The following PCMTD1 variants were observed in gnomAD, a reference collection of about 807,000 sequenced individuals.
The protein encoded by PCMTD1 is protein-L-isoaspartate (D-aspartate) O-methyltransferase domain containing 1, also known as protein-L-isoaspartate O-methyltransferase domain-containing protein 1.
PCMTD1 carries 12 observed loss-of-function variants against 37.6 expected under a neutral mutation model. The observed-to-expected ratio is 0.32, with a 90% CI of 0.20 to 0.52. The LOEUF (loss-of-function observed/expected upper bound fraction) is 0.52, where lower values mean the gene tolerates loss of function less well. Ranked by LOEUF, PCMTD1 falls within the 20% of genes least tolerant of loss-of-function variation. The pLI is 0.97. For missense variants in PCMTD1, 235 were observed against 421.3 expected, an observed-to-expected ratio of 0.56 and a Z score of 3.87; for synonymous variants, 117 against 135.8, an observed-to-expected ratio of 0.86 and a Z score of 0.96.
intron 5 of PCMTD1, among the ~76,000 whole-genome samples, chr8:51,830,857 C>A: frequency 6.6e-6 from 1 of 152,184 alleles, no homozygotes; most frequent in East Asian, 1.9e-4. Flanking sequence ...ACAGTAGATG[C>A]CCTTCCCACA....
chr8:51,861,323 CATTATA>C (rs1392621577), intron 1 of PCMTD1, 77 bp from the exon 2 acceptor site: 2 of 1,041,096 alleles, frequency 1.9e-6, no homozygotes, highest in African/African-American at 3.2e-5. Flanking sequence ...AAATGTATGT[CATTATA>C]ATTAACTACC....
Position 51,851,658 on chromosome 8 carries a change from C to CT in PCMTD1, c.308-5896dup, listed in dbSNP as rs11287024. On this transcript the variant is annotated intron_variant, in intron 2 of 5. Transcript: ENST00000522514. ...ACAGCTTCAGATTTTGACTCAAATT[C>CT]TTTTTTTTTTTTTTGAGATGGAGTT... 5.1e-3 allele frequency among the ~76,000 whole-genome samples: 723 copies of CT among 142,550 alleles called. 8 individuals are homozygous for CT. Among genetic ancestry groups the CT allele is most frequent in the Middle Eastern group, 0.018 (5 of 284 alleles). The allele number at this position is 142,550 out of a possible 152,430, so 93.5% of individuals were successfully genotyped here.
intron 3 of PCMTD1, chr8:51,839,730 C>T (rs1222846133): frequency 1.5e-5 from 8 of 546,000 alleles, no homozygotes; most frequent in South Asian, 8.0e-5. Flanking sequence ...CCACAGGATG[C>T]TGTTATTGAA....
rs1413706740 is a variant in PCMTD1, at chr8:51,848,082, TTTTG to T, written c.308-2323_308-2320del. On this transcript the variant is annotated intron_variant, in intron 2 of 5. Coordinates refer to ENST00000522514, the MANE Select transcript of PCMTD1 (RefSeq NM_052937.4). Reference sequence around the variant, plus strand: ...GCTGGGCAACAGAGAGAGACCGTGGTTTTGTTTGTTTTAAAAGAAGAAAGAAAGA... The same window carrying T: ...GCTGGGCAACAGAGAGAGACCGTGGTTTTGTTTTAAAAGAAGAAAGAAAGA... Among the ~76,000 whole-genome samples the T allele has an allele frequency of 5.4e-4, 82 of 151,334 alleles. 1 individual carries two copies. The highest frequency in any genetic ancestry group is 1.9e-3 in the African/African-American group (79 of 40,918).
rs2037788194 is a variant in PCMTD1 at position 51,818,237 on chromosome 8, C to T, written c.*2114G>A. On this transcript the variant is annotated 3_prime_UTR_variant, in exon 6 of 6. Transcript: ENST00000522514. ...AGTGTAAAATGAATGCATTTAAAAA[C>T]ATAAAAGATACATTTCAATGACAAG... 1 of 287,014 alleles carries T rather than the reference C, an allele frequency of 3.5e-6. No homozygotes were observed. The highest frequency in any genetic ancestry group is 6.7e-6 in the Non-Finnish European group (1 of 148,312). 17.8% of individuals were successfully genotyped at this position (287,014 alleles called of 1,614,324 possible). A position where few individuals can be genotyped will look rare whatever the true frequency, so the allele number is the denominator to read the frequency against.
At chr8:51,851,639 T>C (rs1373688761) in intron 2 of PCMTD1, among the ~76,000 whole-genome samples, 1 of 150,222 alleles carries the variant, frequency 6.7e-6, no homozygotes, top group Non-Finnish European at 1.5e-5. Context: ...TTAAACAGCT[T>C]CAGATTTTGA....
intron 1 of PCMTD1, among the ~76,000 whole-genome samples, chr8:51,889,671 A>C (rs2038910353): frequency 6.6e-6 from 1 of 152,246 alleles, no homozygotes; most frequent in South Asian, 2.1e-4. Flanking sequence ...ATGCAAAGTT[A>C]TACGAAAATG....
intron 2 of PCMTD1, among the ~76,000 whole-genome samples, chr8:51,857,403 T>C (rs1450690677): frequency 6.6e-6 from 1 of 152,186 alleles, no homozygotes; most frequent in Non-Finnish European, 1.5e-5. Flanking sequence ...TTATGGTTTA[T>C]ACAAGAAAAT....
rs1344537430 is a variant in PCMTD1 at position 51,818,423 on chromosome 8, A to AAAAAAAC, written c.*1927_*1928insGTTTTTT. 2.6e-5 allele frequency: 4 copies of AAAAAAAC among 153,434 alleles called. No individual in the cohort carries two copies. The highest frequency in any genetic ancestry group is 9.6e-5 in the African/African-American group (4 of 41,504). 9.5% of individuals were successfully genotyped at this position (153,434 alleles called of 1,614,324 possible). ...GCAGCTCCAACCAAAAAAAAAAAAA[A>AAAAAAAC]AAACAAGCAGGGGAGATGGGACAGA... is the stretch of plus-strand genomic sequence containing the variant. On this transcript the variant is annotated 3_prime_UTR_variant, in exon 6 of 6. Transcript: ENST00000522514.
At chr8:51,850,641 T>G (rs1443950291) in intron 2 of PCMTD1, among the ~76,000 whole-genome samples, 1 of 152,118 alleles carries the variant, frequency 6.6e-6, no homozygotes, top group Non-Finnish European at 1.5e-5. Context: ...ACATCAAGAG[T>G]TAACAGCTAC....
At chr8:51,838,381 C>T (rs912530500) in intron 3 of PCMTD1, among the ~76,000 whole-genome samples, 3 of 151,818 alleles carry the variant, frequency 2.0e-5, no homozygotes, top group African/African-American at 7.3e-5. Context: ...CCCAGCTACT[C>T]CAAAGGCCAA....
chr8:51,846,194 AC>A lies in PCMTD1; in HGVS notation c.308-432del, dbSNP rs1414305339. ...TACATGAATGTCTCAGGGCATCGCT[AC>A]CCCCAGCCAGTAGAGGCTAAATTCC... is the stretch of plus-strand genomic sequence containing the variant. On this transcript the variant is annotated intron_variant, in intron 2 of 5. Coordinates refer to ENST00000522514, the MANE Select transcript of PCMTD1 (RefSeq NM_052937.4). 2.0e-5 allele frequency among the ~76,000 whole-genome samples: 3 copies of A among 152,106 alleles called. No homozygotes were observed. The East Asian group carries it at 5.8e-4, about 29-fold the overall frequency.
intron 1 of PCMTD1, among the ~76,000 whole-genome samples, chr8:51,862,430 A>G (rs1366597050): frequency 6.6e-6 from 1 of 152,182 alleles, no homozygotes; most frequent in Non-Finnish European, 1.5e-5. Context: ...CAGAATGCAA[A>G]TGTAAGTGCA....
chr8:51,832,466 G>T (rs1421192082), intron 4 of PCMTD1, among the ~76,000 whole-genome samples: 3 of 152,094 alleles, frequency 2.0e-5, no homozygotes, highest in African/African-American at 7.2e-5. Flanking sequence ...GATGTTAAGG[G>T]AACCCCAAGA....
chr8:51,870,622 A>G (rs1015636424), intron 1 of PCMTD1, among the ~76,000 whole-genome samples: 1 of 152,188 alleles, frequency 6.6e-6, no homozygotes, highest in East Asian at 1.9e-4. Context: ...CCATACTTCT[A>G]TGAAGAGTCA....
intron 4 of PCMTD1, among the ~76,000 whole-genome samples, chr8:51,832,314 G>A (rs2129276064): frequency 6.6e-6 from 1 of 152,270 alleles, no homozygotes; most frequent in Middle Eastern, 3.4e-3. Context: ...TTTAAGCCCT[G>A]GAAGCATTCT....
rs375362623 is a variant in PCMTD1 at position 51,878,250 on chromosome 8, G to GTTTTTTTTTTTTTT, written c.-95-17018_-95-17005dup. Among the ~76,000 whole-genome samples, 4 of 139,170 alleles carry GTTTTTTTTTTTTTT rather than the reference G, an allele frequency of 2.9e-5. 1 individual carries two copies. The highest frequency in any genetic ancestry group is 1.5e-5 in the Non-Finnish European group (1 of 64,782). The allele number at this position is 139,170 out of a possible 152,430, so 91.3% of individuals were successfully genotyped here. On this transcript the variant is annotated intron_variant, in intron 1 of 5. Transcript: ENST00000522514. ...AAAATATTATGAGATTTTTTTTTTG[G>GTTTTTTTTTTTTTT]TTTTTTTTTTTTTTTAGCTCATCAG...
At chr8:51,844,793 T>C (rs36100144) in intron 3 of PCMTD1, 9,407 of 152,288 alleles carry the variant, frequency 0.062, 382 homozygotes, top group Non-Finnish European at 0.088. Context: ...CTCCCTCAAG[T>C]TGTTGATGGT....
chr8:51,846,317 C>G (rs2038219112), intron 2 of PCMTD1, among the ~76,000 whole-genome samples: 1 of 152,162 alleles, frequency 6.6e-6, no homozygotes, highest in African/African-American at 2.4e-5. Context: ...GCATCTTTTA[C>G]ACTTCTCACT....
Sources: gnomAD v4.1 joint callset for allele counts (sites outside exome capture counted in the v4.1 genomes callset) on GRCh38, gnomAD v4.1.1 for gene constraint, MANE v1.5 for transcripts, NCBI Gene and HGNC (gene_info 2026-07-23, HGNC 2026-07-21) for gene names.